Variants in CHSY1 observed in about 807,000 individuals in gnomAD.
CHSY1 encodes chondroitin sulfate synthase 1.
Under a neutral mutation model 59.8 loss-of-function variants are expected in CHSY1, and 13 were observed. The ratio of observed to expected loss-of-function variants is 0.22; its 90% CI spans 0.14 to 0.35. The LOEUF is 0.35. CHSY1 is among the 10% of genes least tolerant of loss of function. CHSY1 has a pLI of 1.00. For missense variants in CHSY1, 947 were observed against 1,030.6 expected (o/e 0.92, Z 1.11); for synonymous variants, 459 against 401.2 (o/e 1.14, Z -1.72).
chr15:101,225,327 C>T (rs907082345), intron 2 of CHSY1, among the ~76,000 whole-genome samples: 1 of 152,064 alleles, frequency 6.6e-6, no homozygotes, highest in East Asian at 1.9e-4. Flanking sequence ...CTTGGTGCTG[C>T]GATTACAGGC....
intron 2 of CHSY1, among the ~76,000 whole-genome samples, chr15:101,212,168 A>C (rs2038688434): frequency 6.6e-6 from 1 of 152,208 alleles, no homozygotes; most frequent in Non-Finnish European, 1.5e-5. Flanking sequence ...AATGCCAAAC[A>C]ATGATGAGGA....
At chr15:101,186,273 T>C (rs1490836107) in intron 2 of CHSY1, among the ~76,000 whole-genome samples, 2 of 151,112 alleles carry the variant, frequency 1.3e-5, no homozygotes, top group South Asian at 2.1e-4. Context: ...TGAGCCGAGA[T>C]CGTGCCACTG....
chr15:101,224,190 T>G (rs1387301248), intron 2 of CHSY1, among the ~76,000 whole-genome samples: 1 of 152,220 alleles, frequency 6.6e-6, no homozygotes, highest in African/African-American at 2.4e-5. Flanking sequence ...CACCTGAGGA[T>G]ATACTTTTCA....
chr15:101,194,344 G>C (rs1442508477), intron 2 of CHSY1, among the ~76,000 whole-genome samples: 1 of 152,218 alleles, frequency 6.6e-6, no homozygotes, highest in East Asian at 1.9e-4. Context: ...CTGTTTGTGT[G>C]TCCATGTGTA....
chr15:101,179,906 C>T (rs777435752), intron 2 of CHSY1, among the ~76,000 whole-genome samples: 24 of 152,294 alleles, frequency 1.6e-4, no homozygotes, highest in Non-Finnish European at 2.6e-4. Context: ...AGGAGATGAA[C>T]GTTTTTACAA....
chr15:101,195,295 T>A (rs915443113), intron 2 of CHSY1, among the ~76,000 whole-genome samples: 1 of 152,218 alleles, frequency 6.6e-6, no homozygotes, highest in Non-Finnish European at 1.5e-5. Flanking sequence ...ACCTGAGCAA[T>A]AATCATATTT....
chr15:101,244,669 CTT>C, intron 1 of CHSY1, among the ~76,000 whole-genome samples: 1 of 152,308 alleles, frequency 6.6e-6, no homozygotes, highest in Middle Eastern at 3.4e-3. Context: ...CAAACATACA[CTT>C]TTGTTTTACT....
intron 2 of CHSY1, among the ~76,000 whole-genome samples, chr15:101,234,009 A>G (rs1317953128): frequency 6.6e-6 from 1 of 152,230 alleles, no homozygotes; most frequent in Non-Finnish European, 1.5e-5. Flanking sequence ...CAACCTAAAG[A>G]CAATACAACC....
At chr15:101,183,810 C>G (rs2038313820) in intron 2 of CHSY1, among the ~76,000 whole-genome samples, 1 of 152,288 alleles carries the variant, frequency 6.6e-6, no homozygotes, top group Admixed American at 6.5e-5. Context: ...GGTCTTTAAA[C>G]AGAGCAAGTA....
intron 1 of CHSY1, among the ~76,000 whole-genome samples, chr15:101,245,099 C>T (rs2141281680): frequency 6.6e-6 from 1 of 152,320 alleles, no homozygotes; most frequent in East Asian, 1.9e-4. Flanking sequence ...CACCGCTGGG[C>T]TGATCTTCCA....
chr15:101,180,410 T>C (rs1167928198), intron 2 of CHSY1, among the ~76,000 whole-genome samples: 1 of 152,168 alleles, frequency 6.6e-6, no homozygotes, highest in African/African-American at 2.4e-5. Context: ...ACGCATGGAC[T>C]TACCACTGAA....
intron 2 of CHSY1, among the ~76,000 whole-genome samples, chr15:101,230,541 T>C (rs1278704193): frequency 6.6e-6 from 1 of 152,262 alleles, no homozygotes; most frequent in Non-Finnish European, 1.5e-5. Context: ...ACAATTATAA[T>C]GTGTGAATTT....
At chr15:101,210,174 G>A (rs547679139) in intron 2 of CHSY1, among the ~76,000 whole-genome samples, 9 of 152,162 alleles carry the variant, frequency 5.9e-5, no homozygotes, top group Non-Finnish European at 8.8e-5. Context: ...TCACTAAACA[G>A]ATTAGCCAGT....
At chr15:101,183,903 T>C (rs1353478560) in intron 2 of CHSY1, among the ~76,000 whole-genome samples, 2 of 152,214 alleles carry the variant, frequency 1.3e-5, no homozygotes, top group Non-Finnish European at 2.9e-5. Flanking sequence ...GTAAACGGCA[T>C]ACAAGGATAA....
chr15:101,251,726 G>A lies in CHSY1; in HGVS notation c.-270C>T, dbSNP rs1385816790. The A allele has an allele frequency of 6.7e-6, 1 of 148,448 alleles. No individual in the cohort carries two copies. Among genetic ancestry groups the A allele is most frequent in the Non-Finnish European group, 1.5e-5 (1 of 66,680 alleles). 9.2% of individuals were successfully genotyped at this position (148,448 alleles called of 1,614,324 possible). A position where few individuals can be genotyped will look rare whatever the true frequency, so the allele number is the denominator to read the frequency against. On this transcript the variant is annotated 5_prime_UTR_variant, in exon 1 of 3. Coordinates refer to ENST00000254190, the MANE Select transcript of CHSY1 (RefSeq NM_014918.5). ...GGCGCGCGCTAGCGGCGGCTCGGGC[G>A]CGAGGTGGCGGCGGCTCCTCCCGCT...
At position 101,176,011 on chromosome 15, in the gene CHSY1, C is replaced by G. The variant is rs1003210831; in HGVS notation, c.*1377G>C. 1 of 347,642 alleles carries G rather than the reference C, an allele frequency of 2.9e-6. No homozygotes were observed. Among genetic ancestry groups the G allele is most frequent in the African/African-American group, 2.1e-5 (1 of 47,632 alleles). The allele number at this position is 347,642 out of a possible 1,614,324, so 21.5% of individuals were successfully genotyped here. A position where few individuals can be genotyped will look rare whatever the true frequency, so the allele number is the denominator to read the frequency against. On this transcript the variant is annotated 3_prime_UTR_variant, in exon 3 of 3. Coordinates refer to ENST00000254190, the MANE Select transcript of CHSY1 (RefSeq NM_014918.5). ...TGACAGATTCATTTCACTTTTGTCC[C>G]CAAAACACATGAGCACCAAAATTGT...
At chr15:101,188,416 A>G (rs1009622257) in intron 2 of CHSY1, among the ~76,000 whole-genome samples, 4 of 152,136 alleles carry the variant, frequency 2.6e-5, no homozygotes, top group African/African-American at 9.7e-5. Flanking sequence ...CGAGACCACC[A>G]GCATAAACGG....
chr15:101,188,619 G>A, intron 2 of CHSY1, among the ~76,000 whole-genome samples: 1 of 151,754 alleles, frequency 6.6e-6, no homozygotes, highest in Admixed American at 6.6e-5. Flanking sequence ...GAATTATTAT[G>A]AATGAGTCCT....
chr15:101,241,743 T>C (rs980061085), intron 1 of CHSY1, among the ~76,000 whole-genome samples: 1 of 152,222 alleles, frequency 6.6e-6, no homozygotes, highest in Non-Finnish European at 1.5e-5. Context: ...GGACTCATGA[T>C]AAAATCATCT....
Sources: gnomAD v4.1 joint callset for allele counts (sites outside exome capture counted in the v4.1 genomes callset) on GRCh38, gnomAD v4.1.1 for gene constraint, MANE v1.5 for transcripts, NCBI Gene and HGNC (gene_info 2026-07-23, HGNC 2026-07-21) for gene names.